The following UBAC2 variants were observed in gnomAD, a reference collection of about 807,000 sequenced individuals.
The protein encoded by UBAC2 is UBA domain containing 2, also known as ubiquitin-associated domain-containing protein 2.
In UBAC2, 26 loss-of-function variants were observed where a neutral mutation model predicts 44.0. The ratio of observed to expected loss-of-function variants is 0.59; its 90% confidence interval spans 0.43 to 0.82. UBAC2 has a LOEUF of 0.82. Among genes scored for constraint, UBAC2 ranks in the 40% least tolerant of loss-of-function variants. The pLI, the probability that UBAC2 is intolerant of heterozygous loss-of-function variation, is 0.00. For missense variants in UBAC2, 329 were observed against 419.4 expected (o/e 0.78, Z 1.88); for synonymous variants, 155 against 154.3 (o/e 1.00, Z -0.04).
At chr13:99,242,469 C>A (rs1378680706) in intron 2 of UBAC2, among the ~76,000 whole-genome samples, 1 of 144,146 alleles carries the variant, frequency 6.9e-6, no homozygotes, top group Non-Finnish European at 1.5e-5. Flanking sequence ...GACCCCCCCA[C>A]CTCCCTCCCC....
At position 99,385,356 on chromosome 13, in the gene UBAC2, G is replaced by A. The variant is rs779655808; in HGVS notation, c.*21G>A. The A allele has an allele frequency of 6.3e-7, 1 of 1,598,512 alleles. No homozygotes were observed. Among genetic ancestry groups the A allele is most frequent in the Non-Finnish European group, 8.6e-7 (1 of 1,166,266 alleles). ...ACTGATAGTCCCAGGCCAACACTGG[G>A]ACCGGACCGGCAGCCGAGTGACAGT... is the stretch of plus-strand genomic sequence containing the variant. On this transcript the variant is annotated 3_prime_UTR_variant, in exon 9 of 9. Coordinates refer to ENST00000403766, the MANE Select transcript of UBAC2 (RefSeq NM_001144072.2).
intron 6 of UBAC2, among the ~76,000 whole-genome samples, chr13:99,329,223 A>G (rs563820816): frequency 5.3e-5 from 8 of 152,348 alleles, no homozygotes; most frequent in African/African-American, 1.7e-4. Context: ...ATCAGGCAAT[A>G]TAAGTCCTCC....
At chr13:99,272,580 A>G (rs1274476310) in intron 4 of UBAC2, among the ~76,000 whole-genome samples, 1 of 152,174 alleles carries the variant, frequency 6.6e-6, no homozygotes, top group East Asian at 1.9e-4. Context: ...GGATGTTGGC[A>G]TGGTCAAGTT....
At chr13:99,236,698 A>T (rs1045611508) in intron 1 of UBAC2, among the ~76,000 whole-genome samples, 4 of 152,162 alleles carry the variant, frequency 2.6e-5, no homozygotes, top group Non-Finnish European at 5.9e-5. Flanking sequence ...AAAAATACAG[A>T]AATTAGCTGG....
At chr13:99,217,622 A>G (rs898213296) in intron 1 of UBAC2, among the ~76,000 whole-genome samples, 3 of 152,182 alleles carry the variant, frequency 2.0e-5, no homozygotes, top group African/African-American at 7.2e-5. Context: ...CCTGGCATGC[A>G]GCCCTCTGGT....
chr13:99,304,006 G>A (rs1040119068), intron 4 of UBAC2, among the ~76,000 whole-genome samples: 7 of 151,984 alleles, frequency 4.6e-5, no homozygotes, highest in African/African-American at 4.8e-5. Context: ...TGCCATTCCC[G>A]CCCTTCTGCC....
intron 4 of UBAC2, among the ~76,000 whole-genome samples, chr13:99,284,918 T>C (rs1317142849): frequency 6.6e-6 from 1 of 152,174 alleles, no homozygotes; most frequent in Admixed American, 6.5e-5. Flanking sequence ...TATAACTTTT[T>C]CATGAAAAAT....
chr13:99,269,886 G>T (rs1324990211), intron 4 of UBAC2, among the ~76,000 whole-genome samples: 1 of 152,052 alleles, frequency 6.6e-6, no homozygotes, highest in Admixed American at 6.5e-5. Flanking sequence ...TATTAAATGG[G>T]GATCATATGG....
Position 99,295,716 on chromosome 13 carries a change from T to C in UBAC2, c.390-18381T>C. The C allele has an allele frequency of 6.2e-7, 1 of 1,614,190 alleles. No individual in the cohort carries two copies. Reference sequence around the variant, plus strand: ...CACACGCCTTTTGCATGTTCAATCCTTTTTATCTTGTTGTAGCGTAGAGGG... The same window carrying C: ...CACACGCCTTTTGCATGTTCAATCCCTTTTATCTTGTTGTAGCGTAGAGGG... On this transcript the variant is annotated intron_variant, in intron 4 of 8. Transcript: ENST00000403766. This position sits in a 1 kb window ranked among gnomAD's most constrained non-coding sequence, Gnocchi z 4.1.
At chr13:99,236,154 T>C (rs1220759822) in intron 1 of UBAC2, among the ~76,000 whole-genome samples, 2 of 152,168 alleles carry the variant, frequency 1.3e-5, no homozygotes, top group Non-Finnish European at 2.9e-5. Context: ...GCAAAGACTT[T>C]TTGTGTAAGA....
At chr13:99,367,164 C>T (rs1399199732) in intron 7 of UBAC2, among the ~76,000 whole-genome samples, 1 of 152,182 alleles carries the variant, frequency 6.6e-6, no homozygotes, top group African/African-American at 2.4e-5. Flanking sequence ...TGGAGCCACC[C>T]TCAGAAAGAT....
chr13:99,350,412 C>A (rs1432856128), intron 7 of UBAC2, among the ~76,000 whole-genome samples: 2 of 152,174 alleles, frequency 1.3e-5, no homozygotes, highest in Non-Finnish European at 2.9e-5. Flanking sequence ...CACCCCCAAC[C>A]TCTGTGATTA....
intron 6 of UBAC2, among the ~76,000 whole-genome samples, chr13:99,319,269 C>T (rs932155378): frequency 6.6e-6 from 1 of 152,052 alleles, no homozygotes; most frequent in African/African-American, 2.4e-5. Flanking sequence ...TAAATTTAAA[C>T]CTCCAGATTT....
chr13:99,258,461 G>T (rs2043607047), intron 4 of UBAC2: 1 of 152,106 alleles, frequency 6.6e-6, no homozygotes. Flanking sequence ...TTTCACAAAT[G>T]ATTTGTTTAT....
At position 99,325,093 on chromosome 13, in the gene UBAC2, A is replaced by G. The variant is rs371561274; in HGVS notation, c.561+7024A>G. 9.1e-3 allele frequency among the ~76,000 whole-genome samples: 1,223 copies of G among 134,508 alleles called. 12 individuals carry two copies. Among genetic ancestry groups the G allele is most frequent in the South Asian group, 0.062 (264 of 4,250 alleles). The allele number at this position is 134,508 out of a possible 152,430, so 88.2% of individuals were successfully genotyped here. On this transcript the variant is annotated intron_variant, in intron 6 of 8. Transcript: ENST00000403766. ...TGTAGGTAGCATAACTTTAGTGTCT[A>G]TGCTCTTTTTTTTTTTTTTTTTTTT...
chr13:99,347,964 TGCTGGACACACATAA>T (rs2045017251), intron 7 of UBAC2, among the ~76,000 whole-genome samples: 2 of 152,070 alleles, frequency 1.3e-5, no homozygotes, highest in Non-Finnish European at 2.9e-5. Flanking sequence ...CGGGACACTA[TGCTGGACACACATAA>T]GCTGCTCTCA....
At chr13:99,232,378 C>G (rs543182519) in intron 1 of UBAC2, among the ~76,000 whole-genome samples, 1 of 94,026 alleles carries the variant, frequency 1.1e-5, no homozygotes, top group Non-Finnish European at 2.6e-5. Flanking sequence ...AACACAAGAC[C>G]CTGTCCATCC....
chr13:99,318,026 T>G lies in UBAC2; in HGVS notation c.518T>G (p.Phe173Cys). The G allele has an allele frequency of 6.2e-7, 1 of 1,609,890 alleles. No homozygotes were observed. The highest frequency in any genetic ancestry group is 8.5e-7 in the Non-Finnish European group (1 of 1,178,868). The change falls in exon 6 of 9, where the codon TTC (phenylalanine) becomes TGC (cysteine). Residue 173 changes from phenylalanine (F) to cysteine (C), a missense_variant. Transcript: ENST00000403766. ...TLIYILGLQL[F>C]TSGSYIWIVA... ...CCTTTTTTTTTTCTTTTATAGCTTTTCACCTCTGGTTCCTACATCTGGATT... is the reference window on the plus strand; with the variant it reads ...CCTTTTTTTTTTCTTTTATAGCTTTGCACCTCTGGTTCCTACATCTGGATT...
At chr13:99,380,968 G>A (rs976557832) in intron 8 of UBAC2, among the ~76,000 whole-genome samples, 14 of 152,242 alleles carry the variant, frequency 9.2e-5, no homozygotes, top group Non-Finnish European at 5.9e-5. Flanking sequence ...GCTGCAAGCT[G>A]TGACAGCAGA....
Sources: gnomAD v4.1 joint callset for allele counts (sites outside exome capture counted in the v4.1 genomes callset) on GRCh38, gnomAD v4.1.1 for gene constraint, Gnocchi (gnomAD v3.1) non-coding constraint, MANE v1.5 for transcripts, NCBI Gene and HGNC (gene_info 2026-07-23, HGNC 2026-07-21) for gene names.